PGM2L1: variants seen among roughly 807,000 people sequenced by gnomAD.
PGM2L1 encodes phosphoglucomutase 2 like 1.
A neutral mutation model predicts 73.4 loss-of-function variants in PGM2L1; 35 were observed. The ratio of observed to expected loss-of-function variants is 0.48; its 90% CI spans 0.36 to 0.63. The LOEUF is 0.63. Ranked by LOEUF, PGM2L1 falls within the 30% of genes least tolerant of loss-of-function variation. The pLI is 0.00. For synonymous variants in PGM2L1, 225 were observed against 253.8 expected, an observed-to-expected ratio of 0.89 and a Z score of 1.08; for missense variants, 570 against 742.0, an observed-to-expected ratio of 0.77 and a Z score of 2.69.
chr11:74,344,687 C>T (rs1416180624), intron 9 of PGM2L1, among the ~76,000 whole-genome samples: 1 of 151,852 alleles, frequency 6.6e-6, no homozygotes, highest in Non-Finnish European at 1.5e-5. Context: ...CTTTTGTGCC[C>T]ATTATACTTC....
intron 2 of PGM2L1, among the ~76,000 whole-genome samples, chr11:74,374,052 C>CAA (rs60395088): frequency 0.33 from 28,220 of 84,786 alleles, 3,694 homozygotes; most frequent in East Asian, 0.49. Flanking sequence ...TTTATAAAGC[C>CAA]AAAAAAAAAA....
At chr11:74,395,129 T>C (rs981950424) in intron 1 of PGM2L1, among the ~76,000 whole-genome samples, 1 of 152,188 alleles carries the variant, frequency 6.6e-6, no homozygotes, top group Non-Finnish European at 1.5e-5. Context: ...TAAGAGAGGA[T>C]CAATGAAGAA....
At position 74,347,145 on chromosome 11, in the gene PGM2L1, T is replaced by C; in HGVS notation, c.939+3A>G. The C allele has an allele frequency of 6.4e-7, 1 of 1,554,088 alleles. No individual in the cohort carries two copies. The highest frequency in any genetic ancestry group is 8.7e-7 in the Non-Finnish European group (1 of 1,154,164). On this transcript the variant is annotated splice_donor_region_variant and intron_variant, in intron 7 of 13. Coordinates refer to ENST00000298198, the MANE Select transcript of PGM2L1 (RefSeq NM_173582.6). ...ATAATAATTTAAATATTTAAAAAAA[T>C]ACCAGCACAGATTCTCCTTCTTCAG...
chr11:74,396,166 GA>G (rs1015723590), intron 1 of PGM2L1, among the ~76,000 whole-genome samples: 3 of 151,568 alleles, frequency 2.0e-5, no homozygotes, highest in Non-Finnish European at 4.4e-5. Flanking sequence ...GGCTAAGGCA[GA>G]AAGATCACTT....
At chr11:74,390,505 T>A (rs1463913137) in intron 1 of PGM2L1, among the ~76,000 whole-genome samples, 1 of 152,228 alleles carries the variant, frequency 6.6e-6, no homozygotes, top group Non-Finnish European at 1.5e-5. Flanking sequence ...TTAGCTGTTT[T>A]CAGTTTCAAG....
In PGM2L1 at chr11:74,389,947, CAAAAA is replaced by C. The variant is rs71065078; in HGVS notation, c.111+8099_111+8103del. ...TGAAACCCCGTCCCTACTAAAAATACAAAAAAAAAAAAAAAAAAAAAATTAGCCAG... is the reference window on the plus strand; with the variant it reads ...TGAAACCCCGTCCCTACTAAAAATACAAAAAAAAAAAAAAAAATTAGCCAG... On this transcript the variant is annotated intron_variant, in intron 1 of 13. Coordinates refer to ENST00000298198, the MANE Select transcript of PGM2L1 (RefSeq NM_173582.6). Among the ~76,000 whole-genome samples, 13 of 38,578 alleles carry C rather than the reference CAAAAA, an allele frequency of 3.4e-4. No individual in the cohort carries two copies. In the South Asian group the frequency reaches 5.9e-3, roughly 18 times the overall value. 25.3% of individuals were successfully genotyped at this position (38,578 alleles called of 152,430 possible).
chr11:74,331,386 C>T lies in PGM2L1; in HGVS notation c.*5266G>A, dbSNP rs1862011600. 1 of 152,316 alleles carries T rather than the reference C, an allele frequency of 6.6e-6. No individual in the cohort carries two copies. The highest frequency in any genetic ancestry group is 1.5e-5 in the Non-Finnish European group (1 of 68,342). 9.4% of individuals were successfully genotyped at this position (152,316 alleles called of 1,614,324 possible). On this transcript the variant is annotated 3_prime_UTR_variant, in exon 14 of 14. Coordinates refer to ENST00000298198, the MANE Select transcript of PGM2L1 (RefSeq NM_173582.6). ...CAAGTGATTCTCCTGCCTCAGCCTC[C>T]CGAGTAGCTGGGATTACAGGCATGT...
At chr11:74,361,512 C>T (rs978023557) in intron 5 of PGM2L1, among the ~76,000 whole-genome samples, 1 of 152,222 alleles carries the variant, frequency 6.6e-6, no homozygotes, top group East Asian at 1.9e-4. Flanking sequence ...CAAAGGAACA[C>T]GGCTCCTTGC....
At chr11:74,388,927 A>C (rs1161767769) in intron 1 of PGM2L1, among the ~76,000 whole-genome samples, 1 of 152,248 alleles carries the variant, frequency 6.6e-6, no homozygotes, top group Non-Finnish European at 1.5e-5. Flanking sequence ...TCCTTCAGTA[A>C]AATCTGCACT....
chr11:74,368,457 A>G (rs751018688), intron 5 of PGM2L1, 35 bp downstream of exon 5: 9 of 1,522,698 alleles, frequency 5.9e-6, no homozygotes, highest in Middle Eastern at 1.7e-4. Context: ...AAGATGAACT[A>G]TAAGATAAGC....
chr11:74,382,365 G>A lies in PGM2L1; in HGVS notation c.112-7783C>T, dbSNP rs190902070. On this transcript the variant is annotated intron_variant, in intron 1 of 13. Transcript: ENST00000298198. ...TACAGAGGCCACTCCTTGTGGCCTC[G>A]GTTTCCTTGCAATGTTGGGTTCCAA... Among the ~76,000 whole-genome samples, 474 of 152,258 alleles carry A rather than the reference G, an allele frequency of 3.1e-3. 2 individuals are homozygous for A. The highest frequency in any genetic ancestry group is 0.011 in the African/African-American group (445 of 41,538).
chr11:74,356,937 G>A (rs61902404), intron 5 of PGM2L1, among the ~76,000 whole-genome samples: 25,231 of 151,942 alleles, frequency 0.17, 2,307 homozygotes, highest in East Asian at 0.28. Context: ...AGGTTCAAGC[G>A]ATTCTCCTGC....
intron 1 of PGM2L1, among the ~76,000 whole-genome samples, chr11:74,381,840 G>A (rs980409813): frequency 2.6e-5 from 4 of 151,888 alleles, no homozygotes; most frequent in Admixed American, 1.3e-4. Context: ...GAGATAATGA[G>A]TTCAGTATTA....
At chr11:74,342,387 C>T in intron 12 of PGM2L1, 74 bp downstream of exon 12, 1 of 1,180,446 alleles carries the variant, frequency 8.5e-7, no homozygotes, top group African/African-American at 1.6e-5. Flanking sequence ...TGAAATCTGT[C>T]CTGCCTCTGG....
chr11:74,396,627 G>T (rs1232510814), intron 1 of PGM2L1, among the ~76,000 whole-genome samples: 1 of 152,104 alleles, frequency 6.6e-6, no homozygotes, highest in Non-Finnish European at 1.5e-5. Flanking sequence ...TGTTAGCCAG[G>T]ATGGTCTCGA....
intron 5 of PGM2L1, among the ~76,000 whole-genome samples, chr11:74,351,780 G>A (rs944189416): frequency 4.0e-5 from 6 of 151,592 alleles, no homozygotes; most frequent in Non-Finnish European, 2.9e-5. Context: ...GGCTAACGTG[G>A]TGAAACCCTG....
chr11:74,375,599 C>G (rs1862842881), intron 1 of PGM2L1, among the ~76,000 whole-genome samples: 1 of 151,972 alleles, frequency 6.6e-6, no homozygotes, highest in Non-Finnish European at 1.5e-5. Context: ...ATAAAAGGTG[C>G]TAAATATTAC....
intron 1 of PGM2L1, among the ~76,000 whole-genome samples, chr11:74,393,943 T>C (rs1051781010): frequency 4.0e-5 from 6 of 150,174 alleles, no homozygotes. Flanking sequence ...CCAGCAAAAC[T>C]GGTCTATAAT....
chr11:74,370,756 C>A, intron 4 of PGM2L1, 146 bp downstream of exon 4: 1 of 472,110 alleles, frequency 2.1e-6, no homozygotes, highest in Non-Finnish European at 3.6e-6. Context: ...TGAAAATAAA[C>A]TCAAAGCAAA....
Sources: allele counts gnomAD v4.1 joint callset (sites outside exome capture counted in the v4.1 genomes callset), GRCh38; gene constraint gnomAD v4.1.1; transcripts MANE v1.5; gene names NCBI Gene and HGNC (gene_info 2026-07-23, HGNC 2026-07-21).